The following CSMD1 variants were observed in gnomAD, a reference collection of about 807,000 sequenced individuals.
The protein encoded by CSMD1 is CUB and Sushi multiple domains 1, also known as CUB and sushi domain-containing protein 1.
Under a neutral mutation model 417.5 loss-of-function variants are expected in CSMD1, and 213 were observed. The ratio of observed to expected loss-of-function variants is 0.51; its 90% CI spans 0.46 to 0.57. The LOEUF (loss-of-function observed/expected upper bound fraction) is 0.57, where lower values mean the gene tolerates loss of function less well. Ranked by LOEUF, CSMD1 falls within the 20% of genes least tolerant of loss-of-function variation. The probability of loss-of-function intolerance (pLI) is 0.00; values close to 1 mark genes in which losing one functional copy is unlikely to be tolerated. For synonymous variants in CSMD1, 2,862 were observed against 1,736.8 expected (o/e 1.65, Z -16.11); for missense variants, 6,923 against 4,529.7 (o/e 1.53, Z -15.17).
intron 12 of CSMD1, among the ~76,000 whole-genome samples, chr8:3,456,840 G>T (rs1045995197): frequency 6.6e-6 from 1 of 152,092 alleles, no homozygotes; most frequent in South Asian, 2.1e-4. Context: ...ACTGGATGCA[G>T]AACTGAAACC....
At chr8:3,735,559 T>C (rs992944303) in intron 6 of CSMD1, among the ~76,000 whole-genome samples, 7 of 152,206 alleles carry the variant, frequency 4.6e-5, no homozygotes, top group Non-Finnish European at 1.0e-4. Flanking sequence ...CTTTAGAAAA[T>C]ATGAGTCAGC....
chr8:3,721,332 G>A (rs112521073), intron 6 of CSMD1, among the ~76,000 whole-genome samples: 3 of 152,304 alleles, frequency 2.0e-5, no homozygotes, highest in South Asian at 4.1e-4. Flanking sequence ...GTGTGTGGCT[G>A]TGGATTTTTA....
intron 2 of CSMD1, among the ~76,000 whole-genome samples, chr8:4,426,343 T>C (rs556615944): frequency 6.6e-6 from 1 of 150,826 alleles, no homozygotes; most frequent in South Asian, 2.1e-4. Flanking sequence ...GTATATAGCA[T>C]ATAATTTTGA....
intron 2 of CSMD1, among the ~76,000 whole-genome samples, chr8:4,538,745 G>C (rs1362245778): frequency 1.3e-5 from 2 of 152,164 alleles, no homozygotes; most frequent in Non-Finnish European, 2.9e-5. Context: ...CAAATTATTT[G>C]ATGAAGGGAT....
At chr8:3,405,927 G>A (rs1210140923) in intron 15 of CSMD1, 100 bp downstream of exon 15, 4 of 1,114,968 alleles carry the variant, frequency 3.6e-6, no homozygotes, top group East Asian at 4.9e-5. Context: ...TTTTGTTAGG[G>A]CAGCCCTAGC....
intron 3 of CSMD1, among the ~76,000 whole-genome samples, chr8:4,262,902 G>A (rs1803985284): frequency 1.3e-5 from 2 of 152,228 alleles, no homozygotes; most frequent in South Asian, 4.2e-4. Flanking sequence ...CATCACAGAA[G>A]TCATCATTTA....
intron 9 of CSMD1, among the ~76,000 whole-genome samples, chr8:3,579,993 A>G (rs1800314258): frequency 6.6e-6 from 1 of 152,076 alleles, no homozygotes; most frequent in Admixed American, 6.6e-5. Flanking sequence ...AATCCCAGCT[A>G]CTCAGGAGGC....
intron 6 of CSMD1, among the ~76,000 whole-genome samples, chr8:3,740,959 T>A (rs147639146): frequency 3.5e-4 from 53 of 152,116 alleles, no homozygotes; most frequent in African/African-American, 1.2e-3. Flanking sequence ...CTCACACCTG[T>A]AACCCCAGCA....
At chr8:4,105,822 C>T (rs959303966) in intron 3 of CSMD1, among the ~76,000 whole-genome samples, 6 of 152,210 alleles carry the variant, frequency 3.9e-5, no homozygotes, top group South Asian at 2.1e-4. Flanking sequence ...TTACTTGTCA[C>T]CCCTTTTGCT....
rs185336981 is a variant in CSMD1, at chr8:4,831,831, C to G, written c.85+162501G>C. ...ATCTCCCACCCCCTCCCCTGACACT[C>G]AAAGACAAAGCACAGTGTGTGCCAC... is the stretch of plus-strand genomic sequence containing the variant. On this transcript the variant is annotated intron_variant, in intron 1 of 69. Coordinates refer to ENST00000635120, the MANE Select transcript of CSMD1 (RefSeq NM_033225.6). Among the ~76,000 whole-genome samples, 206 of 152,154 alleles carry G rather than the reference C, an allele frequency of 1.4e-3. 2 individuals carry two copies. In the East Asian group the frequency reaches 0.026, roughly 19 times the overall value.
chr8:4,514,449 G>A (rs777194736), intron 2 of CSMD1, among the ~76,000 whole-genome samples: 41 of 152,270 alleles, frequency 2.7e-4, no homozygotes, highest in South Asian at 4.1e-4. Context: ...AGCCTGATAT[G>A]CATTTTTAAG....
At chr8:3,600,201 G>C (rs532984139) in intron 8 of CSMD1, among the ~76,000 whole-genome samples, 2 of 152,094 alleles carry the variant, frequency 1.3e-5, no homozygotes, top group Admixed American at 1.3e-4. Flanking sequence ...AATCTTTCCA[G>C]GTATCTGTCT....
chr8:3,248,359 C>T (rs1367866615), intron 26 of CSMD1, among the ~76,000 whole-genome samples: 2 of 152,050 alleles, frequency 1.3e-5, no homozygotes, highest in Non-Finnish European at 2.9e-5. Context: ...TAAAATATCC[C>T]AATTTGAATA....
At chr8:3,600,701 G>A (rs1050559297) in intron 8 of CSMD1, among the ~76,000 whole-genome samples, 12 of 152,092 alleles carry the variant, frequency 7.9e-5, no homozygotes, top group African/African-American at 2.4e-4. Context: ...CTGCAGGGGC[G>A]GTAATTTTAC....
rs746257800 is a variant in CSMD1 at position 3,928,563 on chromosome 8, T to C, written c.818+69340A>G. Among the ~76,000 whole-genome samples, 46 of 136,184 alleles carry C rather than the reference T, an allele frequency of 3.4e-4. 2 individuals are homozygous for C. The highest frequency in any genetic ancestry group is 7.5e-3 in the Middle Eastern group (2 of 266). The allele number at this position is 136,184 out of a possible 152,430, so 89.3% of individuals were successfully genotyped here. The stretch of plus-strand genomic sequence containing the variant: ...TTGTAGGCTTCGGTACTGTACTAAG[T>C]TCAGATCTACAAGTAGTTCCATCCA... On this transcript the variant is annotated intron_variant, in intron 5 of 69. Coordinates refer to ENST00000635120, the MANE Select transcript of CSMD1 (RefSeq NM_033225.6).
At chr8:3,724,821 T>A (rs1171642155) in intron 6 of CSMD1, among the ~76,000 whole-genome samples, 1 of 152,244 alleles carries the variant, frequency 6.6e-6, no homozygotes, top group Non-Finnish European at 1.5e-5. Context: ...CTGTAGGTAT[T>A]TTCTTATCAC....
intron 50 of CSMD1, among the ~76,000 whole-genome samples, chr8:3,042,575 G>A (rs1422508594): frequency 6.6e-6 from 1 of 152,132 alleles, no homozygotes; most frequent in Non-Finnish European, 1.5e-5. Context: ...AGTTCCACAT[G>A]GGTAACCCTG....
At chr8:3,856,750 G>A (rs1273797930) in intron 5 of CSMD1, among the ~76,000 whole-genome samples, 3 of 152,142 alleles carry the variant, frequency 2.0e-5, no homozygotes, top group Non-Finnish European at 2.9e-5. Flanking sequence ...TGTTTCCTTT[G>A]CCATGGTGTC....
At chr8:4,434,592 A>T (rs866305867) in intron 2 of CSMD1, among the ~76,000 whole-genome samples, 2 of 152,236 alleles carry the variant, frequency 1.3e-5, no homozygotes, top group Admixed American at 6.5e-5. Flanking sequence ...TGTTACAGTC[A>T]ATGAAGCTAA....
Sources: gnomAD v4.1 joint callset for allele counts (sites outside exome capture counted in the v4.1 genomes callset) on GRCh38, gnomAD v4.1.1 for gene constraint, MANE v1.5 for transcripts, NCBI Gene and HGNC (gene_info 2026-07-23, HGNC 2026-07-21) for gene names.